The following GLI3 variants were observed in gnomAD, a reference collection of about 807,000 sequenced individuals.
The protein encoded by GLI3 is transcription activator GLI3.
A neutral mutation model predicts 100.8 loss-of-function variants in GLI3; 20 were observed. The observed-to-expected ratio is 0.20, with a 90% CI of 0.14 to 0.29. The LOEUF is 0.29. Ranked by LOEUF, GLI3 falls within the 10% of genes least tolerant of loss-of-function variation. The probability of loss-of-function intolerance (pLI) is 1.00; values close to 1 mark genes in which losing one functional copy is unlikely to be tolerated. For missense variants in GLI3, 2,040 were observed against 2,128.5 expected, an observed-to-expected ratio of 0.96 and a Z score of 0.82; for synonymous variants, 938 against 860.5, an observed-to-expected ratio of 1.09 and a Z score of -1.58.
In GLI3 at chr7:41,965,159, G is replaced by A; in HGVS notation, c.3914C>T (p.Ala1305Val). ...FGLPVAPNES[A>V]GSMVNGMQNQ... ...CTGCATGCCATTCACCATGCTGCCA[G>A]CTGACTCATTTGGCGCTACCGGCAG... The change falls in exon 15 of 15, where the codon GCT becomes GTT. Residue 1305 changes from alanine to valine, a missense_variant. Transcript: ENST00000395925. The A allele has an allele frequency of 6.2e-7, 1 of 1,613,936 alleles. No homozygotes were observed. Among genetic ancestry groups the A allele is most frequent in the Non-Finnish European group, 8.5e-7 (1 of 1,180,018 alleles).
chr7:42,020,650 G>A (rs1788909364), intron 10 of GLI3, among the ~76,000 whole-genome samples: 1 of 152,174 alleles, frequency 6.6e-6, no homozygotes, highest in South Asian at 2.1e-4. Context: ...AAAGTCACAG[G>A]AATGGAAACT....
At chr7:42,092,415 G>A (rs1000839663) in intron 3 of GLI3, among the ~76,000 whole-genome samples, 1 of 152,206 alleles carries the variant, frequency 6.6e-6, no homozygotes, top group African/African-American at 2.4e-5. Context: ...ACAAGAACCA[G>A]GGCAGGAGCG....
At chr7:42,191,033 T>C (rs890521271) in intron 2 of GLI3, among the ~76,000 whole-genome samples, 1 of 151,964 alleles carries the variant, frequency 6.6e-6, no homozygotes, top group African/African-American at 2.4e-5. Context: ...AAAATAATAT[T>C]AAAGTAACAG....
In GLI3 at chr7:41,963,860, A is replaced by T. The variant is rs1787074726; in HGVS notation, c.*470T>A. ...TAAAATAAAAAACAGAAACCAAAAC[A>T]CAAAACAAAACACTGAGCACATGTA... On this transcript the variant is annotated 3_prime_UTR_variant, in exon 15 of 15. Coordinates refer to ENST00000395925, the MANE Select transcript of GLI3 (RefSeq NM_000168.6). 6.2e-6 allele frequency: 1 copy of T among 161,330 alleles called. No homozygotes were observed. Among genetic ancestry groups the T allele is most frequent in the Non-Finnish European group, 1.4e-5 (1 of 73,278 alleles). The allele number at this position is 161,330 out of a possible 1,614,324, so 10.0% of individuals were successfully genotyped here.
At chr7:42,186,573 T>TG (rs1235005274) in intron 2 of GLI3, among the ~76,000 whole-genome samples, 1 of 152,196 alleles carries the variant, frequency 6.6e-6, no homozygotes, top group Non-Finnish European at 1.5e-5. Flanking sequence ...CTGCCCTGCC[T>TG]GGGGACAACA....
intron 2 of GLI3, chr7:42,151,366 C>T (rs890561622): frequency 6.6e-6 from 1 of 152,256 alleles, no homozygotes; most frequent in African/African-American, 2.4e-5. Flanking sequence ...AAGCAATATT[C>T]CTGCCTGCTC....
At chr7:42,142,481 TTA>T (rs1257099829) in intron 3 of GLI3, among the ~76,000 whole-genome samples, 2 of 152,108 alleles carry the variant, frequency 1.3e-5, no homozygotes, top group Non-Finnish European at 2.9e-5. Context: ...TTTAATAAAT[TTA>T]TCCTCAAAAT....
chr7:42,125,693 A>C (rs371963504), intron 3 of GLI3, among the ~76,000 whole-genome samples: 3 of 152,324 alleles, frequency 2.0e-5, no homozygotes, highest in African/African-American at 7.2e-5. Flanking sequence ...TTTGAGAGCA[A>C]AGAAAAACAA....
At position 42,030,420 on chromosome 7, in the gene GLI3, A is replaced by G. The variant is rs112790977; in HGVS notation, c.1029-4008T>C. ...GCCGTTATCCTGCCTACCACACTCA[A>G]AAGAGTCACCTCAAAGAAAACTATG... is the stretch of plus-strand genomic sequence containing the variant. On this transcript the variant is annotated intron_variant, in intron 7 of 14. Coordinates refer to ENST00000395925, the MANE Select transcript of GLI3 (RefSeq NM_000168.6). Among the ~76,000 whole-genome samples, 93 of 152,312 alleles carry G rather than the reference A, an allele frequency of 6.1e-4. 1 individual carries two copies. The highest frequency in any genetic ancestry group is 2.1e-3 in the African/African-American group (86 of 41,568).
At chr7:42,130,703 A>T (rs537340117) in intron 3 of GLI3, among the ~76,000 whole-genome samples, 1 of 152,302 alleles carries the variant, frequency 6.6e-6, no homozygotes, top group South Asian at 2.1e-4. Flanking sequence ...AACACAGCAG[A>T]TAAAATTATT....
At chr7:42,151,014 T>C (rs1288314295) in intron 2 of GLI3, among the ~76,000 whole-genome samples, 1 of 152,202 alleles carries the variant, frequency 6.6e-6, no homozygotes, top group African/African-American at 2.4e-5. Flanking sequence ...ATTAAAGTTA[T>C]AACAAGAAGT....
chr7:42,195,935 A>G (rs947025269), intron 2 of GLI3, among the ~76,000 whole-genome samples: 8 of 152,234 alleles, frequency 5.3e-5, no homozygotes, highest in Admixed American at 2.6e-4. Flanking sequence ...CTAGAATGCT[A>G]CAATTAAATG....
intron 3 of GLI3, among the ~76,000 whole-genome samples, chr7:42,125,585 T>C (rs987937770): frequency 2.0e-5 from 3 of 152,224 alleles, no homozygotes; most frequent in African/African-American, 7.2e-5. Context: ...GATCCTTTTA[T>C]GTCTTTCTTC....
chr7:41,977,934 T>A, intron 11 of GLI3: 1 of 578,854 alleles, frequency 1.7e-6, no homozygotes, highest in Non-Finnish European at 3.0e-6. Context: ...CCAGTAAAAG[T>A]CCTGAAGTTT....
At chr7:42,218,840 G>C (rs1788427578) in intron 2 of GLI3, among the ~76,000 whole-genome samples, 1 of 152,094 alleles carries the variant, frequency 6.6e-6, no homozygotes, top group South Asian at 2.1e-4. Flanking sequence ...TTTATCATTA[G>C]TTTCTTTTTT....
At chr7:42,123,818 A>G (rs1467798101) in intron 3 of GLI3, among the ~76,000 whole-genome samples, 1 of 152,218 alleles carries the variant, frequency 6.6e-6, no homozygotes, top group African/African-American at 2.4e-5. Context: ...CTGACCTTTA[A>G]AAGCAGTGGT....
chr7:42,227,161 T>G (rs574362580), intron 1 of GLI3, among the ~76,000 whole-genome samples: 1 of 152,262 alleles, frequency 6.6e-6, no homozygotes, highest in East Asian at 1.9e-4. Context: ...TGATACTTTT[T>G]CCCCCGACAT....
intron 2 of GLI3, among the ~76,000 whole-genome samples, chr7:42,211,574 T>G (rs1413465490): frequency 6.6e-6 from 1 of 152,250 alleles, no homozygotes; most frequent in African/African-American, 2.4e-5. Context: ...GTAAGTTCCA[T>G]TATTTCAACC....
intron 2 of GLI3, among the ~76,000 whole-genome samples, chr7:42,162,965 CTTTTTTTTTTTTTTTT>C (rs58993499): frequency 1.0e-5 from 1 of 95,576 alleles, no homozygotes; most frequent in African/African-American, 4.4e-5. Flanking sequence ...GAATAAACAC[CTTTTTTTTTTTTTTTT>C]TTTTTTTTTT....
Sources: allele counts gnomAD v4.1 joint callset (sites outside exome capture counted in the v4.1 genomes callset), GRCh38; gene constraint gnomAD v4.1.1; transcripts MANE v1.5; gene names NCBI Gene and HGNC (gene_info 2026-07-23, HGNC 2026-07-21).